Variants in CMC2 observed in about 807,000 individuals in gnomAD.
CMC2 encodes COX assembly mitochondrial protein 2 homolog.
A neutral mutation model predicts 7.5 loss-of-function variants in CMC2; 5 were observed. The observed-to-expected ratio is 0.66, with a 90% CI of 0.35 to 1.40. The LOEUF is 1.40. Among genes scored for constraint, CMC2 ranks in the 40% most tolerant of loss-of-function variants. The pLI, the probability that CMC2 is intolerant of heterozygous loss-of-function variation, is 0.04. For synonymous variants in CMC2, 37 were observed against 31.4 expected, an observed-to-expected ratio of 1.18 and a Z score of -0.60; for missense variants, 115 against 92.3, an observed-to-expected ratio of 1.25 and a Z score of -1.01.
In CMC2 at chr16:80,995,763, GT is replaced by G. The variant is rs897769894; in HGVS notation, c.81+1550del. 5.3e-5 allele frequency among the ~76,000 whole-genome samples: 8 copies of G among 152,276 alleles called. 1 individual carries two copies. Among genetic ancestry groups the G allele is most frequent in the Admixed American group, 3.3e-4 (5 of 15,300 alleles). On this transcript the variant is annotated intron_variant, in intron 2 of 3. Transcript: ENST00000219400. ...AGTGCAGTGGTTACCTGGGCAAGAC[GT>G]AAGTTAAGGGTTGGGGACTCACTGC...
chr16:80,976,716 G>C (rs767840769), intron 3 of CMC2, among the ~76,000 whole-genome samples: 4 of 151,952 alleles, frequency 2.6e-5, no homozygotes, highest in Non-Finnish European at 5.9e-5. Context: ...AATTCTACTC[G>C]TTCCAAAGTT....
chr16:80,983,536 G>A (rs1387965259), intron 2 of CMC2: 1 of 152,170 alleles, frequency 6.6e-6, no homozygotes, highest in African/African-American at 2.4e-5. Context: ...TCTATTACAG[G>A]GAGTGGTGTC....
intron 2 of CMC2, among the ~76,000 whole-genome samples, chr16:80,992,717 T>TCG (rs532289641): frequency 3.7e-5 from 1 of 26,826 alleles, no homozygotes; most frequent in Non-Finnish European, 1.5e-4. Flanking sequence ...TTTTTTTTTT[T>TCG]TTTTTGTGTA....
Position 80,970,287 on chromosome 16 carries a change from T to C in CMC2, c.*5806A>G, listed in dbSNP as rs1296150912. On this transcript the variant is annotated 3_prime_UTR_variant, in exon 4 of 4. Transcript: ENST00000219400. Reference sequence around the variant, plus strand: ...AATTTAAGTCAATTCCAAATCCAAATCTCACCGATTAATGGACATTAATTC... The same window carrying C: ...AATTTAAGTCAATTCCAAATCCAAACCTCACCGATTAATGGACATTAATTC... 6.6e-6 allele frequency: 1 copy of C among 152,106 alleles called. No individual in the cohort carries two copies. Among genetic ancestry groups the C allele is most frequent in the Non-Finnish European group, 1.5e-5 (1 of 68,028 alleles). 9.4% of individuals were successfully genotyped at this position (152,106 alleles called of 1,614,324 possible).
rs552976264 is a variant in CMC2 at position 80,971,439 on chromosome 16, A to G, written c.*4654T>C. 1 of 148,926 alleles carries G rather than the reference A, an allele frequency of 6.7e-6. No homozygotes were observed. The highest frequency in any genetic ancestry group is 2.1e-4 in the South Asian group (1 of 4,792). 9.2% of individuals were successfully genotyped at this position (148,926 alleles called of 1,614,324 possible). A position where few individuals can be genotyped will look rare whatever the true frequency, so the allele number is the denominator to read the frequency against. ...ATAAACAAGAACCTCATTTATCAACATAGTATTTTTTTTTTAAAAAAAAAA... is the reference window on the plus strand; with the variant it reads ...ATAAACAAGAACCTCATTTATCAACGTAGTATTTTTTTTTTAAAAAAAAAA... On this transcript the variant is annotated 3_prime_UTR_variant, in exon 4 of 4. Coordinates refer to ENST00000219400, the MANE Select transcript of CMC2 (RefSeq NM_020188.5).
rs1911912285 is a variant in CMC2 at position 80,971,529 on chromosome 16, T to A, written c.*4564A>T. The stretch of plus-strand genomic sequence containing the variant: ...AAGTAAAATGACTAAACATGCAAAA[T>A]AAAATATGGCTATGGATACTGACAT... On this transcript the variant is annotated 3_prime_UTR_variant, in exon 4 of 4. Transcript: ENST00000219400. 7.1e-6 allele frequency: 1 copy of A among 139,966 alleles called. No individual in the cohort carries two copies. 8.7% of individuals were successfully genotyped at this position (139,966 alleles called of 1,614,324 possible). A position where few individuals can be genotyped will look rare whatever the true frequency, so the allele number is the denominator to read the frequency against.
At chr16:81,001,487 G>A (rs1968861649) in intron 1 of CMC2, among the ~76,000 whole-genome samples, 1 of 152,194 alleles carries the variant, frequency 6.6e-6, no homozygotes, top group Admixed American at 6.5e-5. Context: ...GATGAATGGG[G>A]AGTTACTGTT....
At chr16:80,986,928 G>T (rs1319706776) in intron 2 of CMC2, among the ~76,000 whole-genome samples, 1 of 152,190 alleles carries the variant, frequency 6.6e-6, no homozygotes, top group African/African-American at 2.4e-5. Flanking sequence ...TTTTTTGCAG[G>T]AAGGTGTAGC....
intron 1 of CMC2, among the ~76,000 whole-genome samples, chr16:81,004,828 C>A (rs560190933): frequency 2.0e-5 from 3 of 152,328 alleles, no homozygotes; most frequent in Admixed American, 6.5e-5. Flanking sequence ...CCAGGTGGCA[C>A]AATTTTAGAA....
intron 2 of CMC2, among the ~76,000 whole-genome samples, chr16:80,992,626 ATCTTT>A (rs1968090125): frequency 6.7e-6 from 1 of 148,242 alleles, no homozygotes; most frequent in African/African-American, 2.5e-5. Flanking sequence ...TTTAAAGGCC[ATCTTT>A]TCTTTTTTTT....
intron 3 of CMC2, among the ~76,000 whole-genome samples, chr16:80,976,431 T>C (rs1438858475): frequency 6.6e-6 from 1 of 152,222 alleles, no homozygotes; most frequent in African/African-American, 2.4e-5. Flanking sequence ...ATCTACATGC[T>C]AATAGATGCA....
intron 3 of CMC2, among the ~76,000 whole-genome samples, chr16:80,981,427 C>T (rs2151620140): frequency 6.6e-6 from 1 of 151,982 alleles, no homozygotes; most frequent in South Asian, 2.1e-4. Flanking sequence ...CTAATTCTAG[C>T]CTCCTCAATT....
Position 80,972,781 on chromosome 16 carries a change from C to A in CMC2, c.*3312G>T, listed in dbSNP as rs1202578970. 6.6e-6 allele frequency: 1 copy of A among 152,214 alleles called. No homozygotes were observed. The highest frequency in any genetic ancestry group is 1.5e-5 in the Non-Finnish European group (1 of 68,062). 9.4% of individuals were successfully genotyped at this position (152,214 alleles called of 1,614,324 possible). A position where few individuals can be genotyped will look rare whatever the true frequency, so the allele number is the denominator to read the frequency against. On this transcript the variant is annotated 3_prime_UTR_variant, in exon 4 of 4. Transcript: ENST00000219400. ...TCCTTCACTTGGTATCCTGCACAGA[C>A]CCTACAATGCCTTCCTGTTGCCCTT... is the stretch of plus-strand genomic sequence containing the variant.
intron 3 of CMC2, among the ~76,000 whole-genome samples, 159 bp downstream of exon 3, chr16:80,981,647 T>C (rs1175356222): frequency 6.6e-6 from 1 of 152,216 alleles, no homozygotes; most frequent in Non-Finnish European, 1.5e-5. Flanking sequence ...CCAGAAAAGC[T>C]TTCATTTCTT....
chr16:80,987,068 T>C (rs1967598181), intron 2 of CMC2, among the ~76,000 whole-genome samples: 1 of 152,216 alleles, frequency 6.6e-6, no homozygotes, highest in Non-Finnish European at 1.5e-5. Context: ...AGGTAACTAC[T>C]GAAAACATCC....
rs1597256676 is a variant in CMC2, at chr16:80,994,475, T to C, written c.81+2839A>G. On this transcript the variant is annotated intron_variant, in intron 2 of 3. Coordinates refer to ENST00000219400, the MANE Select transcript of CMC2 (RefSeq NM_020188.5). The stretch of plus-strand genomic sequence containing the variant: ...AGAGAAAATATTCACAATACACTTA[T>C]CAAAGGATTTGTATCCCAAATGATA... Among the ~76,000 whole-genome samples the C allele has an allele frequency of 2.7e-5, 4 of 150,294 alleles. No homozygotes were observed. In the East Asian group the frequency reaches 7.8e-4, roughly 29 times the overall value.
In CMC2 at chr16:80,973,793, T is replaced by G. The variant is rs1482926731; in HGVS notation, c.*2300A>C. On this transcript the variant is annotated 3_prime_UTR_variant, in exon 4 of 4. Transcript: ENST00000219400. ...TAGATCATTGCCATAGCCTTCAGTG[T>G]GTACTTTACTCTACAGGGATCAGCA... 6.6e-6 allele frequency: 1 copy of G among 152,192 alleles called. No homozygotes were observed. Among genetic ancestry groups the G allele is most frequent in the African/African-American group, 2.4e-5 (1 of 41,412 alleles). The allele number at this position is 152,192 out of a possible 1,614,324, so 9.4% of individuals were successfully genotyped here.
At chr16:80,981,998 A>G (rs1967154990) in intron 2 of CMC2, 121 bp from the exon 3 acceptor site, 2 of 595,862 alleles carry the variant, frequency 3.4e-6, no homozygotes, top group Non-Finnish European at 5.9e-6. Flanking sequence ...TAAACAAGTA[A>G]TAGTTAAATC....
At chr16:80,982,726 C>T (rs1967220603) in intron 2 of CMC2, 1 of 152,276 alleles carries the variant, frequency 6.6e-6, no homozygotes, top group Non-Finnish European at 1.5e-5. Context: ...ATATACTGTA[C>T]TGCCGTAATA....
Sources: allele counts gnomAD v4.1 joint callset (sites outside exome capture counted in the v4.1 genomes callset), GRCh38; gene constraint gnomAD v4.1.1; transcripts MANE v1.5; gene names NCBI Gene and HGNC (gene_info 2026-07-23, HGNC 2026-07-21).